MGST1: variants seen among roughly 807,000 people sequenced by gnomAD.
MGST1 encodes glutathione S-transferase 12.
A neutral mutation model predicts 8.9 loss-of-function variants in MGST1; 5 were observed. That is an observed-to-expected ratio of 0.56 (90% CI 0.29 to 1.19). MGST1 has a LOEUF of 1.19. MGST1 is among the 50% of genes most tolerant of loss of function. The pLI is 0.08. For missense variants in MGST1, 182 were observed against 187.4 expected (o/e 0.97, Z 0.17); for synonymous variants, 54 against 67.8 (o/e 0.80, Z 1.00).
chr12:16,522,422 G>A (rs1254642118), intron 4 of MGST1, among the ~76,000 whole-genome samples: 1 of 151,928 alleles, frequency 6.6e-6, no homozygotes, highest in African/African-American at 2.4e-5. Context: ...GGCCTTTTTT[G>A]ACACAGGGTT....
chr12:16,374,094 CA>C (rs1386063389), intron 3 of MGST1, among the ~76,000 whole-genome samples: 3 of 152,036 alleles, frequency 2.0e-5, no homozygotes, highest in African/African-American at 7.2e-5. Context: ...AGTGTAACAC[CA>C]TTAAATCACT....
chr12:16,389,126 G>A lies in MGST1; in HGVS notation n.778+5522G>A, dbSNP rs994970367. 1.8e-4 allele frequency among the ~76,000 whole-genome samples: 28 copies of A among 152,294 alleles called. No individual in the cohort carries two copies. Among genetic ancestry groups the A allele is most frequent in the Admixed American group, 1.2e-3 (19 of 15,294 alleles). On this transcript the variant is annotated intron_variant and non_coding_transcript_variant, in intron 1 of 1. Coordinates refer to the MGST1 transcript ENST00000359720. The surrounding 1 kb of genome is among the most constrained non-coding windows in gnomAD (Gnocchi z 4.6). ...TGGTAAATACCTTGCACTGGGATTC[G>A]TTTTAATAATTAGCCATAGTGACAC...
chr12:16,529,187 A>G (rs1363385861), intron 4 of MGST1, among the ~76,000 whole-genome samples: 3 of 151,654 alleles, frequency 2.0e-5, no homozygotes, highest in African/African-American at 7.3e-5. Context: ...TCTCTCGCTC[A>G]CTCTTTCATT....
At chr12:16,451,866 C>T (rs1424942877) in intron 4 of MGST1, among the ~76,000 whole-genome samples, 1 of 151,756 alleles carries the variant, frequency 6.6e-6, no homozygotes, top group Non-Finnish European at 1.5e-5. Context: ...TCATTATTTG[C>T]CTAGTATTTA....
chr12:16,468,559 A>G (rs917924985), intron 4 of MGST1, among the ~76,000 whole-genome samples: 3 of 152,206 alleles, frequency 2.0e-5, no homozygotes, highest in Admixed American at 6.5e-5. Context: ...TTTTATTAAT[A>G]TCATCATTGG....
intron 4 of MGST1, among the ~76,000 whole-genome samples, chr12:16,536,979 C>A (rs1941760282): frequency 6.6e-6 from 1 of 152,112 alleles, no homozygotes; most frequent in Non-Finnish European, 1.5e-5. Flanking sequence ...CAACAGTCCC[C>A]CAAAGGCTGA....
chr12:16,440,335 T>C (rs1941028797), downstream of MGST1, among the ~76,000 whole-genome samples: 1 of 151,796 alleles, frequency 6.6e-6, no homozygotes, highest in Non-Finnish European at 1.5e-5. Flanking sequence ...GGATACTCCA[T>C]GTGACAGCCA....
At position 16,517,960 on chromosome 12, in the gene MGST1, C is replaced by A. The variant is rs1324225279; in HGVS notation, n.483-71568C>A. ...AAATGTTGTTCTTCACACCCAAGGA[C>A]CAGACACTAGGCAGTGATACATTCA... On this transcript the variant is annotated intron_variant and non_coding_transcript_variant, in intron 4 of 4. Transcript: ENST00000538857. The surrounding 1 kb of genome is among the most constrained non-coding windows in gnomAD (Gnocchi z 4.2). Among the ~76,000 whole-genome samples the A allele has an allele frequency of 6.6e-6, 1 of 152,142 alleles. No individual in the cohort carries two copies. The highest frequency in any genetic ancestry group is 1.5e-5 in the Non-Finnish European group (1 of 68,028).
At chr12:16,524,464 G>A (rs986097350) in intron 4 of MGST1, among the ~76,000 whole-genome samples, 12 of 151,964 alleles carry the variant, frequency 7.9e-5, no homozygotes, top group African/African-American at 2.9e-4. Flanking sequence ...TGAGCTTAAC[G>A]ATGCTGGAGG....
intron 4 of MGST1, among the ~76,000 whole-genome samples, chr12:16,575,565 G>C (rs1034541913): frequency 3.3e-5 from 5 of 152,080 alleles, no homozygotes; most frequent in African/African-American, 9.7e-5. Context: ...TTAATCCTCA[G>C]GACAACTGAA....
intron 4 of MGST1, among the ~76,000 whole-genome samples, chr12:16,489,148 A>G (rs1941420491): frequency 6.6e-6 from 1 of 152,126 alleles, no homozygotes; most frequent in Admixed American, 6.6e-5. Context: ...TAAATAGGTA[A>G]ATACTTATTG....
chr12:16,576,916 T>A lies in MGST1; in HGVS notation n.483-12612T>A, dbSNP rs1943011458. On this transcript the variant is annotated intron_variant and non_coding_transcript_variant, in intron 4 of 4. Coordinates refer to the MGST1 transcript ENST00000538857. The surrounding 1 kb of genome is among the most constrained non-coding windows in gnomAD (Gnocchi z 4.1). ...TGATTATACCACCCTCCCCACGTTCTTTCCTAAACTATCTATTTTAGAAAT... is the reference window on the plus strand; with the variant it reads ...TGATTATACCACCCTCCCCACGTTCATTCCTAAACTATCTATTTTAGAAAT... Among the ~76,000 whole-genome samples the A allele has an allele frequency of 6.6e-6, 1 of 152,204 alleles. No homozygotes were observed. The highest frequency in any genetic ancestry group is 1.5e-5 in the Non-Finnish European group (1 of 68,036).
At chr12:16,394,078 T>C (rs1463215402) in intron 1 of MGST1, among the ~76,000 whole-genome samples, 5 of 152,166 alleles carry the variant, frequency 3.3e-5, no homozygotes, top group African/African-American at 1.2e-4. Context: ...CCAATTACAC[T>C]AGGTAATTAC....
At chr12:16,415,777 G>A (rs1940782724) in intron 1 of MGST1, among the ~76,000 whole-genome samples, 2 of 152,158 alleles carry the variant, frequency 1.3e-5, no homozygotes, top group South Asian at 2.1e-4. Flanking sequence ...CTGTGTGTAT[G>A]TGGAGGGTTG....
intron 4 of MGST1, among the ~76,000 whole-genome samples, chr12:16,461,806 A>G (rs1335080253): frequency 6.6e-6 from 1 of 152,170 alleles, no homozygotes; most frequent in Non-Finnish European, 1.5e-5. Context: ...TTTCCTGGGT[A>G]TGACCTTAAA....
rs200248864 is a variant in MGST1, at chr12:16,566,687, AAAT to A, written n.483-22836_483-22834del. 5.0e-3 allele frequency among the ~76,000 whole-genome samples: 762 copies of A among 152,246 alleles called. 7 individuals carry two copies. Among genetic ancestry groups the A allele is most frequent in the African/African-American group, 0.018 (741 of 41,548 alleles). On this transcript the variant is annotated intron_variant and non_coding_transcript_variant, in intron 4 of 4. Transcript: ENST00000538857. ...CTAGCTTATTTAGTTCAGCCTTTGT[AAAT>A]AATATTTTTCTTTATTAACACATAC...
At chr12:16,570,647 C>G (rs1942783990) in intron 4 of MGST1, among the ~76,000 whole-genome samples, 1 of 152,142 alleles carries the variant, frequency 6.6e-6, no homozygotes, top group Non-Finnish European at 1.5e-5. Context: ...CTAACACAGG[C>G]TTAGCAAAGC....
chr12:16,563,928 G>A (rs535856137), intron 4 of MGST1, among the ~76,000 whole-genome samples: 8 of 152,176 alleles, frequency 5.3e-5, no homozygotes, highest in African/African-American at 1.9e-4. Flanking sequence ...CAATTTATGG[G>A]CTAGATTTTT....
chr12:16,545,335 T>G (rs1412367127), intron 4 of MGST1, among the ~76,000 whole-genome samples: 3 of 152,064 alleles, frequency 2.0e-5, no homozygotes, highest in African/African-American at 7.2e-5. Context: ...AAACATTATA[T>G]TTTATGCACC....
Sources: allele counts gnomAD v4.1 joint callset (sites outside exome capture counted in the v4.1 genomes callset), GRCh38; gene constraint gnomAD v4.1.1; non-coding constraint Gnocchi (gnomAD v3.1); transcripts MANE v1.5; gene names NCBI Gene and HGNC (gene_info 2026-07-23, HGNC 2026-07-21).